The following ADAMTS6 variants were observed in gnomAD, a reference collection of about 807,000 sequenced individuals.
The protein encoded by ADAMTS6 is ADAM metallopeptidase with thrombospondin type 1 motif 6, also known as A disintegrin and metalloproteinase with thrombospondin motifs 6.
In ADAMTS6, 23 loss-of-function variants were observed where a neutral mutation model predicts 144.3. That is an observed-to-expected ratio of 0.16 (90% CI 0.11 to 0.23). The LOEUF (loss-of-function observed/expected upper bound fraction) is 0.23. Ranked by LOEUF, ADAMTS6 falls within the 10% of genes least tolerant of loss-of-function variation. The pLI is 1.00. For synonymous variants in ADAMTS6, 444 were observed against 457.5 expected, an observed-to-expected ratio of 0.97 and a Z score of 0.38; for missense variants, 999 against 1,379.6, an observed-to-expected ratio of 0.72 and a Z score of 4.37.
intron 20 of ADAMTS6, among the ~76,000 whole-genome samples, chr5:65,213,377 C>T (rs1437043429): frequency 6.6e-6 from 1 of 152,108 alleles, no homozygotes; most frequent in Non-Finnish European, 1.5e-5. Flanking sequence ...CGTGATGGCC[C>T]ATGCCCATAA....
chr5:65,394,503 C>A (rs181800257), intron 7 of ADAMTS6, among the ~76,000 whole-genome samples: 5 of 152,066 alleles, frequency 3.3e-5, no homozygotes, highest in Admixed American at 2.0e-4. Context: ...CAACTTATCA[C>A]GAAGCAATAA....
chr5:65,332,232 T>C (rs928479370), intron 8 of ADAMTS6, among the ~76,000 whole-genome samples: 9 of 150,136 alleles, frequency 6.0e-5, no homozygotes, highest in African/African-American at 2.2e-4. Flanking sequence ...GAAGAGCATA[T>C]GTAAATAACC....
At chr5:65,444,218 C>T (rs957402854) in intron 7 of ADAMTS6, among the ~76,000 whole-genome samples, 1 of 151,964 alleles carries the variant, frequency 6.6e-6, no homozygotes, top group Admixed American at 6.6e-5. Flanking sequence ...ATGGTGAAAC[C>T]CCATCTCTAC....
At chr5:65,423,635 C>T (rs1756258138) in intron 7 of ADAMTS6, among the ~76,000 whole-genome samples, 1 of 151,404 alleles carries the variant, frequency 6.6e-6, no homozygotes. Flanking sequence ...ATATTTTCTT[C>T]TTTTTTTTAA....
intron 22 of ADAMTS6, among the ~76,000 whole-genome samples, chr5:65,183,670 T>A (rs1308977111): frequency 2.2e-5 from 3 of 137,258 alleles, no homozygotes; most frequent in Non-Finnish European, 4.8e-5. Context: ...AAAATAAAAA[T>A]TTCTAGAAAA....
chr5:65,232,067 C>T (rs1758292369), intron 15 of ADAMTS6, among the ~76,000 whole-genome samples: 1 of 152,108 alleles, frequency 6.6e-6, no homozygotes, highest in East Asian at 1.9e-4. Context: ...GCCAAGATTG[C>T]ACCACTGCCC....
chr5:65,371,850 A>C (rs1750954933), intron 7 of ADAMTS6, among the ~76,000 whole-genome samples: 1 of 152,142 alleles, frequency 6.6e-6, no homozygotes, highest in South Asian at 2.1e-4. Context: ...ATGAAGGAAA[A>C]AATGTTAAGG....
At chr5:65,435,069 A>C (rs1757287210) in intron 7 of ADAMTS6, among the ~76,000 whole-genome samples, 2 of 152,266 alleles carry the variant, frequency 1.3e-5, no homozygotes, top group Admixed American at 6.5e-5. Flanking sequence ...ATAAATCTTG[A>C]AAGTAAAGAT....
chr5:65,421,167 G>A (rs1756007233), intron 7 of ADAMTS6, among the ~76,000 whole-genome samples: 1 of 152,130 alleles, frequency 6.6e-6, no homozygotes, highest in Non-Finnish European at 1.5e-5. Flanking sequence ...GTCTCTGTGA[G>A]TTTTATGCTT....
At chr5:65,184,694 C>T (rs1754562752) in intron 22 of ADAMTS6, among the ~76,000 whole-genome samples, 1 of 152,112 alleles carries the variant, frequency 6.6e-6, no homozygotes, top group Non-Finnish European at 1.5e-5. Context: ...ATGTAAAGTC[C>T]AAATAGCCTG....
intron 7 of ADAMTS6, among the ~76,000 whole-genome samples, chr5:65,408,103 T>C (rs1156386799): frequency 6.6e-6 from 1 of 152,092 alleles, no homozygotes; most frequent in Non-Finnish European, 1.5e-5. Context: ...ATGGGCAAAA[T>C]AACCAGCTAA....
intron 7 of ADAMTS6, among the ~76,000 whole-genome samples, chr5:65,361,178 A>G (rs1470416792): frequency 6.6e-6 from 1 of 152,220 alleles, no homozygotes; most frequent in African/African-American, 2.4e-5. Context: ...GACTACAGAA[A>G]GAAATTTTAG....
chr5:65,292,783 T>C (rs181391888), intron 10 of ADAMTS6, among the ~76,000 whole-genome samples: 31 of 152,232 alleles, frequency 2.0e-4, no homozygotes, highest in Admixed American at 2.0e-3. Flanking sequence ...ATGGTACTAA[T>C]ACAGATGGAT....
chr5:65,227,397 C>A (rs1359826613), intron 15 of ADAMTS6, among the ~76,000 whole-genome samples: 1 of 152,068 alleles, frequency 6.6e-6, no homozygotes, highest in East Asian at 1.9e-4. Flanking sequence ...AAAAGCAGCA[C>A]AAGATAAAGC....
At chr5:65,438,963 T>G (rs532037899) in intron 7 of ADAMTS6, among the ~76,000 whole-genome samples, 1 of 152,316 alleles carries the variant, frequency 6.6e-6, no homozygotes, top group African/African-American at 2.4e-5. Flanking sequence ...CTCTCTTCCC[T>G]ATCCTCAGTT....
At chr5:65,474,495 T>C (rs1375769871) in intron 1 of ADAMTS6, among the ~76,000 whole-genome samples, 1 of 152,090 alleles carries the variant, frequency 6.6e-6, no homozygotes, top group Non-Finnish European at 1.5e-5. Context: ...TTGAACTGTA[T>C]GTACTATAAC....
chr5:65,310,070 A>T (rs1374037430), intron 9 of ADAMTS6, among the ~76,000 whole-genome samples: 1 of 151,854 alleles, frequency 6.6e-6, no homozygotes, highest in African/African-American at 2.4e-5. Flanking sequence ...ACAGTGAGTG[A>T]GTTCTTGTGA....
At chr5:65,443,603 A>G (rs540175073) in intron 7 of ADAMTS6, among the ~76,000 whole-genome samples, 1 of 139,202 alleles carries the variant, frequency 7.2e-6, no homozygotes, top group African/African-American at 2.8e-5. Flanking sequence ...AGCCTAGGCA[A>G]CAGAGTGAGA....
intron 20 of ADAMTS6, chr5:65,210,538 G>C (rs1288348310): frequency 2.1e-6 from 1 of 478,450 alleles, no homozygotes; most frequent in Non-Finnish European, 3.9e-6. Flanking sequence ...TGTTCAACCA[G>C]GTGTCTTTAT....
Sources: gnomAD v4.1 joint callset for allele counts (sites outside exome capture counted in the v4.1 genomes callset) on GRCh38, gnomAD v4.1.1 for gene constraint, MANE v1.5 for transcripts, NCBI Gene and HGNC (gene_info 2026-07-23, HGNC 2026-07-21) for gene names.